Variants in TTC17 observed in about 807,000 individuals in gnomAD.
The protein encoded by TTC17 is tetratricopeptide repeat protein 17.
In TTC17, 58 loss-of-function variants were observed where a neutral mutation model predicts 143.8. The ratio of observed to expected loss-of-function variants is 0.40; its 90% CI spans 0.33 to 0.50. The LOEUF (loss-of-function observed/expected upper bound fraction) is 0.50. Ranked by LOEUF, TTC17 falls within the 20% of genes least tolerant of loss-of-function variation. The pLI is 0.49. For synonymous variants in TTC17, 501 were observed against 497.8 expected (o/e 1.01, Z -0.09); for missense variants, 1,273 against 1,392.5 (o/e 0.91, Z 1.37).
intron 16 of TTC17, chr11:43,435,115 A>ATAGATAGAT (rs751433600): frequency 4.7e-4 from 72 of 152,086 alleles, no homozygotes; most frequent in Non-Finnish European, 8.4e-4. Flanking sequence ...AGATAGATAG[A>ATAGATAGAT]TAGATAGATA....
At chr11:43,471,399 A>G (rs1306505449) in intron 21 of TTC17, among the ~76,000 whole-genome samples, 2 of 152,236 alleles carry the variant, frequency 1.3e-5, no homozygotes, top group South Asian at 2.1e-4. Flanking sequence ...AGTCGCAGAC[A>G]TAAATTCTCA....
intron 2 of TTC17, among the ~76,000 whole-genome samples, chr11:43,383,740 A>G (rs1311173292): frequency 6.6e-6 from 1 of 152,158 alleles, no homozygotes; most frequent in African/African-American, 2.4e-5. Context: ...ATATTAAGGA[A>G]TTACTATTTT....
rs551713198 is a variant in TTC17, at chr11:43,494,810, C to G, written c.*906C>G. Reference sequence around the variant, plus strand: ...TTAGCTCCTCAGGAGGGTAATGAGCCAAGGTTGAGTGTTTCCATACAATGC... The same window carrying G: ...TTAGCTCCTCAGGAGGGTAATGAGCGAAGGTTGAGTGTTTCCATACAATGC... On this transcript the variant is annotated 3_prime_UTR_variant, in exon 24 of 24. Coordinates refer to ENST00000039989, the MANE Select transcript of TTC17 (RefSeq NM_018259.6). The G allele has an allele frequency of 3.3e-5, 5 of 152,220 alleles. No homozygotes were observed. The highest frequency in any genetic ancestry group is 1.2e-4 in the African/African-American group (5 of 41,540). 9.4% of individuals were successfully genotyped at this position (152,220 alleles called of 1,614,324 possible).
chr11:43,385,928 C>T (rs1469988856), intron 2 of TTC17, among the ~76,000 whole-genome samples: 1 of 150,876 alleles, frequency 6.6e-6, no homozygotes, highest in African/African-American at 2.4e-5. Context: ...AAAGAAATGA[C>T]AGAAAAAAAG....
At chr11:43,375,753 A>G (rs1856742593) in intron 1 of TTC17, among the ~76,000 whole-genome samples, 1 of 152,202 alleles carries the variant, frequency 6.6e-6, no homozygotes. Flanking sequence ...ATAAAGAATA[A>G]TTAAAAAGTG....
At chr11:43,463,853 A>G (rs1416205807) in intron 21 of TTC17, among the ~76,000 whole-genome samples, 3 of 152,272 alleles carry the variant, frequency 2.0e-5, no homozygotes, top group Non-Finnish European at 2.9e-5. Context: ...ATATTGCTGC[A>G]TGAATGCACA....
rs944240157 is a variant in TTC17, at chr11:43,475,924, G to A, written c.3031-14315G>A. Among the ~76,000 whole-genome samples, 24 of 152,154 alleles carry A rather than the reference G, an allele frequency of 1.6e-4. 1 individual carries two copies. Among genetic ancestry groups the A allele is most frequent in the African/African-American group, 5.8e-4 (24 of 41,442 alleles). ...ACTAGAATTTTTGGTAGAGATGAAA[G>A]GAGATACAGATGTGAGAATGATGGC... is the stretch of plus-strand genomic sequence containing the variant. On this transcript the variant is annotated intron_variant, in intron 21 of 23. Coordinates refer to ENST00000039989, the MANE Select transcript of TTC17 (RefSeq NM_018259.6).
chr11:43,452,966 C>G (rs1947692258), intron 21 of TTC17, among the ~76,000 whole-genome samples: 4 of 151,856 alleles, frequency 2.6e-5, no homozygotes, highest in Admixed American at 2.0e-4. Context: ...GATCACAAAG[C>G]AAAAATATAA....
chr11:43,383,210 CAAAT>C (rs1857040490), intron 2 of TTC17, among the ~76,000 whole-genome samples: 1 of 151,712 alleles, frequency 6.6e-6, no homozygotes, highest in Non-Finnish European at 1.5e-5. Flanking sequence ...GTTTCTTTAA[CAAAT>C]AAATTACAAG....
chr11:43,429,765 GAA>G (rs1947112306), intron 16 of TTC17, among the ~76,000 whole-genome samples: 1 of 152,114 alleles, frequency 6.6e-6, no homozygotes, highest in East Asian at 1.9e-4. Flanking sequence ...AAATACTATA[GAA>G]AAAGTCACTC....
At chr11:43,474,069 A>G (rs1027603851) in intron 21 of TTC17, among the ~76,000 whole-genome samples, 12 of 152,220 alleles carry the variant, frequency 7.9e-5, no homozygotes, top group Non-Finnish European at 1.5e-4. Context: ...GTTTATTGTA[A>G]CCTGATTTGT....
At chr11:43,381,210 A>G (rs1054985297) in intron 2 of TTC17, among the ~76,000 whole-genome samples, 9 of 152,234 alleles carry the variant, frequency 5.9e-5, no homozygotes, top group Non-Finnish European at 8.8e-5. Flanking sequence ...TACTTATACT[A>G]TGAAGCTTCT....
rs1343878053 is a variant in TTC17, at chr11:43,358,965, C to G, written c.11C>G (p.Ala4Gly). ...GGCCGGGGGGGCAAGATGGCGGCGG[C>G]AGTAGGGGTTCGTGGCCGGTACGAG... MAA[A>G]VGVRGRYELP... The change falls in exon 1 of 24, where the codon GCA becomes GGA. Residue 4 changes from alanine (A) to glycine (G), a missense_variant. Coordinates refer to ENST00000039989, the MANE Select transcript of TTC17 (RefSeq NM_018259.6). 2 of 1,577,194 alleles carry G rather than the reference C, an allele frequency of 1.3e-6. No individual in the cohort carries two copies. Among genetic ancestry groups the G allele is most frequent in the Middle Eastern group, 1.7e-4 (1 of 5,932 alleles).
At chr11:43,461,364 C>T (rs1425562324) in intron 21 of TTC17, among the ~76,000 whole-genome samples, 2 of 127,304 alleles carry the variant, frequency 1.6e-5, no homozygotes, top group African/African-American at 2.9e-5. Flanking sequence ...GCAGTCCGGC[C>T]TGGGCGACAG....
Position 43,407,336 on chromosome 11 carries a change from A to G in TTC17, c.1840-17A>G, listed in dbSNP as rs745803665. The G allele has an allele frequency of 6.8e-6, 11 of 1,610,246 alleles. No individual in the cohort carries two copies. In the South Asian group the frequency reaches 1.2e-4, roughly 18 times the overall value. ...ACTGTATTCTTGTACTAACTGAAGT[A>G]TTTTTGGATTTTTCAGCCAAATGCT... On this transcript the variant is annotated splice_polypyrimidine_tract_variant and intron_variant, in intron 14 of 23. Transcript: ENST00000039989.
intron 14 of TTC17, 69 bp downstream of exon 14, chr11:43,407,284 T>G: frequency 6.4e-7 from 1 of 1,569,364 alleles, no homozygotes. Context: ...TAAAATGCAC[T>G]TATTAAAAAT....
chr11:43,477,653 A>G (rs772028315), intron 21 of TTC17, among the ~76,000 whole-genome samples: 6 of 152,202 alleles, frequency 3.9e-5, no homozygotes, highest in Non-Finnish European at 8.8e-5. Flanking sequence ...CCCATGATTC[A>G]ATTACTTCCT....
chr11:43,453,798 C>A (rs1406340696), intron 21 of TTC17, among the ~76,000 whole-genome samples: 1 of 152,168 alleles, frequency 6.6e-6, no homozygotes, highest in East Asian at 1.9e-4. Flanking sequence ...GTTGAAAATA[C>A]CATAGGTCGA....
At chr11:43,388,976 A>G (rs1857277091) in intron 2 of TTC17, among the ~76,000 whole-genome samples, 2 of 144,838 alleles carry the variant, frequency 1.4e-5, no homozygotes, top group South Asian at 4.3e-4. Context: ...CCCTGTCTCA[A>G]AAAAAAAAAA....
Sources: allele counts gnomAD v4.1 joint callset (sites outside exome capture counted in the v4.1 genomes callset), GRCh38; gene constraint gnomAD v4.1.1; transcripts MANE v1.5; gene names NCBI Gene and HGNC (gene_info 2026-07-23, HGNC 2026-07-21).